Variants in MKX observed in about 807,000 individuals in gnomAD.
MKX encodes homeobox protein Mohawk.
In MKX, 13 loss-of-function variants were observed where a neutral mutation model predicts 36.0. The ratio of observed to expected loss-of-function variants is 0.36; its 90% CI spans 0.24 to 0.57. The LOEUF (loss-of-function observed/expected upper bound fraction) is 0.57, where lower values mean the gene tolerates loss of function less well. MKX is among the 20% of genes least tolerant of loss of function. The pLI is 0.79. For missense variants in MKX, 458 were observed against 456.4 expected (o/e 1.00, Z -0.03); for synonymous variants, 176 against 178.3 (o/e 0.99, Z 0.10).
intron 5 of MKX, among the ~76,000 whole-genome samples, chr10:27,725,045 C>A (rs1477003387): frequency 3.3e-5 from 5 of 152,076 alleles, no homozygotes; most frequent in African/African-American, 7.2e-5. Context: ...AAGTAAAAGT[C>A]ATTTAAGTAC....
At chr10:27,720,875 C>A (rs1834360422) in intron 5 of MKX, among the ~76,000 whole-genome samples, 1 of 151,986 alleles carries the variant, frequency 6.6e-6, no homozygotes, top group South Asian at 2.1e-4. Flanking sequence ...TGTACTTGAA[C>A]AATGGAACTA....
intron 5 of MKX, among the ~76,000 whole-genome samples, chr10:27,703,316 G>A (rs1836693290): frequency 6.6e-6 from 1 of 152,122 alleles, no homozygotes; most frequent in South Asian, 2.1e-4. Flanking sequence ...TTATAGAGAT[G>A]AATGTAAATC....
At chr10:27,680,903 C>A (rs1055773498) in intron 5 of MKX, among the ~76,000 whole-genome samples, 1 of 152,050 alleles carries the variant, frequency 6.6e-6, no homozygotes, top group African/African-American at 2.4e-5. Flanking sequence ...TGAAATAGCT[C>A]GGCCAAGGGG....
In MKX at chr10:27,676,380, C is replaced by CT. The variant is rs1176984277; in HGVS notation, c.839-827dup. Among the ~76,000 whole-genome samples the CT allele has an allele frequency of 5.5e-3, 698 of 127,768 alleles. 5 individuals are homozygous for CT. The highest frequency in any genetic ancestry group is 0.014 in the African/African-American group (437 of 30,356). The allele number at this position is 127,768 out of a possible 152,430, so 83.8% of individuals were successfully genotyped here. A position where few individuals can be genotyped will look rare whatever the true frequency, so the allele number is the denominator to read the frequency against. ...TTATCAAATTTTCTTTTTTCTTTTTCTTTTTTTTTTTTTTTGAGATGGAGG... is the reference window on the plus strand; with the variant it reads ...TTATCAAATTTTCTTTTTTCTTTTTCTTTTTTTTTTTTTTTTGAGATGGAGG... On this transcript the variant is annotated intron_variant, in intron 5 of 6. Coordinates refer to ENST00000419761, the MANE Select transcript of MKX (RefSeq NM_173576.3).
In MKX at chr10:27,743,355, A is replaced by C; in HGVS notation, c.61T>G (p.Ser21Ala). Residue 21 changes from serine to alanine, a missense_variant, in exon 2 of 7, where the codon TCG becomes GCG. By Grantham distance (99) the Ser-to-Ala change is moderately conservative (BLOSUM62 1). Around this residue, in one of 3 missense-constraint regions of MKX, gnomAD observed 149 missense variants for 114.3 expected, o/e 1.30. Coordinates refer to ENST00000419761, the MANE Select transcript of MKX (RefSeq NM_173576.3). ...GAVLFEDGGA[S>A]ERERGGRPYS... ...GGCCGGCCACCCCGCTCCCGCTCCG[A>C]GGCGCCTCCGTCCTCAAACAGCACC... is the stretch of plus-strand genomic sequence containing the variant. 1 of 1,580,820 alleles carries C rather than the reference A, an allele frequency of 6.3e-7. No homozygotes were observed. Among genetic ancestry groups the C allele is most frequent in the East Asian group, 2.4e-5 (1 of 41,786 alleles).
At position 27,673,439 on chromosome 10, in the gene MKX, C is replaced by T. The variant is rs1836085988; in HGVS notation, c.*1790G>A. ...GTATGAAAAAGAGTGAAGTATTTGTCTTTAGTTTTCATTGACATGCTCACA... is the reference window on the plus strand; with the variant it reads ...GTATGAAAAAGAGTGAAGTATTTGTTTTTAGTTTTCATTGACATGCTCACA... On this transcript the variant is annotated 3_prime_UTR_variant, in exon 7 of 7. Coordinates refer to ENST00000419761, the MANE Select transcript of MKX (RefSeq NM_173576.3). The T allele has an allele frequency of 6.6e-6, 1 of 152,450 alleles. No individual in the cohort carries two copies. The highest frequency in any genetic ancestry group is 2.4e-5 in the African/African-American group (1 of 41,410). 9.4% of individuals were successfully genotyped at this position (152,450 alleles called of 1,614,324 possible).
intron 5 of MKX, among the ~76,000 whole-genome samples, chr10:27,706,527 G>T (rs1297782421): frequency 1.3e-5 from 2 of 148,432 alleles, no homozygotes; most frequent in African/African-American, 5.0e-5. Context: ...CCCCATCCTT[G>T]CCAACCCTCG....
rs1834941057 is a variant in MKX at position 27,742,928 on chromosome 10, A to G, written c.188+300T>C. Among the ~76,000 whole-genome samples, 1 of 152,144 alleles carries G rather than the reference A, an allele frequency of 6.6e-6. No homozygotes were observed. Among genetic ancestry groups the G allele is most frequent in the South Asian group, 2.1e-4 (1 of 4,830 alleles). On this transcript the variant is annotated intron_variant, in intron 2 of 6. Transcript: ENST00000419761. The surrounding 1 kb of genome is among the most constrained non-coding windows in gnomAD (Gnocchi z 4.2). ...GCGCACCGGCACCCACAGTCCGGAG[A>G]GGGGCAAATAACCCCCAACTCCGAG...
chr10:27,695,448 AT>A (rs1213831396), intron 5 of MKX, among the ~76,000 whole-genome samples: 1 of 151,582 alleles, frequency 6.6e-6, no homozygotes, highest in Non-Finnish European at 1.5e-5. Flanking sequence ...AAAAAAAAAA[AT>A]CTCATATTTT....
intron 5 of MKX, among the ~76,000 whole-genome samples, chr10:27,707,144 C>A (rs1053832150): frequency 2.7e-5 from 4 of 148,416 alleles, no homozygotes; most frequent in African/African-American, 9.7e-5. Flanking sequence ...GACAAAATAG[C>A]AGTCCCTTTG....
At chr10:27,704,139 T>C (rs1836710190) in intron 5 of MKX, among the ~76,000 whole-genome samples, 2 of 152,186 alleles carry the variant, frequency 1.3e-5, no homozygotes, top group African/African-American at 4.8e-5. Flanking sequence ...GGGATAATTT[T>C]ATAAGAAGTG....
intron 5 of MKX, among the ~76,000 whole-genome samples, chr10:27,699,581 A>G (rs1032690203): frequency 6.6e-6 from 1 of 152,212 alleles, no homozygotes; most frequent in African/African-American, 2.4e-5. Context: ...TGGCACAAAG[A>G]CAAAAAATTG....
intron 5 of MKX, among the ~76,000 whole-genome samples, chr10:27,684,008 T>C (rs1836299716): frequency 6.6e-6 from 1 of 152,194 alleles, no homozygotes; most frequent in African/African-American, 2.4e-5. Flanking sequence ...ATACAGTTCT[T>C]TCTTTTTATA....
At chr10:27,676,629 G>A (rs1459361755) in intron 5 of MKX, among the ~76,000 whole-genome samples, 1 of 152,132 alleles carries the variant, frequency 6.6e-6, no homozygotes, top group African/African-American at 2.4e-5. Context: ...GCCTGCCTCA[G>A]CCTCCTAAAG....
At position 27,742,819 on chromosome 10, in the gene MKX, C is replaced by T. The variant is rs575517389; in HGVS notation, c.188+409G>A. Among the ~76,000 whole-genome samples the T allele has an allele frequency of 8.8e-4, 134 of 152,214 alleles. 1 individual carries two copies. The highest frequency in any genetic ancestry group is 3.2e-3 in the African/African-American group (132 of 41,570). ...GCTCGAGTGACCGAAGAGAAGTCCG[C>T]GGAGCCTGAGCCTGGACTCCCCGAC... On this transcript the variant is annotated intron_variant, in intron 2 of 6. Coordinates refer to ENST00000419761, the MANE Select transcript of MKX (RefSeq NM_173576.3). The surrounding 1 kb of genome is among the most constrained non-coding windows in gnomAD (Gnocchi z 4.2).
chr10:27,743,666 C>T, intron 1 of MKX, 169 bp from the exon 2 acceptor site: 1 of 494,638 alleles, frequency 2.0e-6, no homozygotes, highest in South Asian at 3.0e-5. Context: ...CTACACGCCC[C>T]CGCCCCTGCA....
intron 5 of MKX, among the ~76,000 whole-genome samples, chr10:27,723,448 C>A (rs879311555): frequency 6.6e-6 from 1 of 152,048 alleles, no homozygotes. Flanking sequence ...GCAACCAGAA[C>A]AACAATAAGA....
In MKX at chr10:27,675,253, T is replaced by C; in HGVS notation, c.1035A>G (p.Lys345=). 6.2e-7 allele frequency: 1 copy of C among 1,613,976 alleles called. No homozygotes were observed. The highest frequency in any genetic ancestry group is 1.1e-5 in the South Asian group (1 of 90,994). ...CTTAAAACTGCTGCACCAGCGGCAC[T>C]TTGACAGTCTTTACTTCTGCTATAT... ...SSHIAEVKTV[K]VPLVQQF Residue 345 remains lysine (K), a synonymous_variant, in exon 7 of 7, where the codon AAA becomes AAG. Transcript: ENST00000419761.
Position 27,741,259 on chromosome 10 carries a change from C to A in MKX, c.348+86G>T. 4 of 1,545,802 alleles carry A rather than the reference C, an allele frequency of 2.6e-6. No homozygotes were observed. The highest frequency in any genetic ancestry group is 3.4e-4 in the Middle Eastern group (2 of 5,850). On this transcript the variant is annotated intron_variant, in intron 3 of 6. Coordinates refer to ENST00000419761, the MANE Select transcript of MKX (RefSeq NM_173576.3). This position sits in a 1 kb window ranked among gnomAD's most constrained non-coding sequence, Gnocchi z 5.1. ...CATCCCTCTCCAGGTAGAAGCGCCA[C>A]GTGGAGAGCCACACGAACTCTAAGC...
Sources: gnomAD v4.1 joint callset for allele counts (sites outside exome capture counted in the v4.1 genomes callset) on GRCh38, gnomAD v4.1.1 for gene constraint, gnomAD v4.1.1 regional missense constraint, Gnocchi (gnomAD v3.1) non-coding constraint, MANE v1.5 for transcripts, NCBI Gene and HGNC (gene_info 2026-07-23, HGNC 2026-07-21) for gene names.